LYST: variants seen among roughly 807,000 people sequenced by gnomAD.
The protein encoded by LYST is lysosomal-trafficking regulator.
LYST carries 192 observed loss-of-function variants against 413.6 expected under a neutral mutation model. The ratio of observed to expected loss-of-function variants is 0.46; its 90% CI spans 0.41 to 0.52. The LOEUF is 0.52. Ranked by LOEUF, LYST falls within the 20% of genes least tolerant of loss-of-function variation. LYST has a pLI of 0.00. For missense variants in LYST, 3,815 were observed against 4,499.9 expected, an observed-to-expected ratio of 0.85 and a Z score of 4.35; for synonymous variants, 1,525 against 1,567.3, an observed-to-expected ratio of 0.97 and a Z score of 0.64.
At chr1:235,684,252 C>T (rs1660045547) in intron 48 of LYST, among the ~76,000 whole-genome samples, 1 of 152,010 alleles carries the variant, frequency 6.6e-6, no homozygotes, top group Admixed American at 6.6e-5. Flanking sequence ...TAAACCTGTA[C>T]TGCACACTGT....
chr1:235,788,975 G>T, intron 12 of LYST, 130 bp from the exon 13 acceptor site: 1 of 814,712 alleles, frequency 1.2e-6, no homozygotes, highest in Non-Finnish European at 2.1e-6. Context: ...GTCTGAGCCT[G>T]ACCTGTTCTA....
chr1:235,851,371 G>T (rs1678515042), intron 1 of LYST, among the ~76,000 whole-genome samples: 1 of 150,854 alleles, frequency 6.6e-6, no homozygotes, highest in African/African-American at 2.4e-5. Flanking sequence ...CAAAGGCATA[G>T]AATGATACAA....
At chr1:235,734,212 T>A (rs1424568199) in intron 32 of LYST, among the ~76,000 whole-genome samples, 1 of 152,118 alleles carries the variant, frequency 6.6e-6, no homozygotes, top group Non-Finnish European at 1.5e-5. Flanking sequence ...TAACTCAAGG[T>A]ATGCTTCAGC....
chr1:235,670,518 TC>T (rs1658850988), intron 50 of LYST, among the ~76,000 whole-genome samples: 1 of 152,154 alleles, frequency 6.6e-6, no homozygotes, highest in South Asian at 2.1e-4. Flanking sequence ...AGGAGACGTG[TC>T]TCACTGCAGC....
At position 235,661,715 on chromosome 1, in the gene LYST, T is replaced by A. The variant is rs1001644366; in HGVS notation, c.*1225A>T. The stretch of plus-strand genomic sequence containing the variant: ...TGCACAAGTTATTCTTAGGCAGGGA[T>A]ACATATTTTTATCCCATGGTAACAT... On this transcript the variant is annotated 3_prime_UTR_variant, in exon 53 of 53. Coordinates refer to ENST00000389793, the MANE Select transcript of LYST (RefSeq NM_000081.4). 1 of 152,670 alleles carries A rather than the reference T, an allele frequency of 6.6e-6. No individual in the cohort carries two copies. The highest frequency in any genetic ancestry group is 1.5e-5 in the Non-Finnish European group (1 of 68,030). The allele number at this position is 152,670 out of a possible 1,614,324, so 9.5% of individuals were successfully genotyped here. A position where few individuals can be genotyped will look rare whatever the true frequency, so the allele number is the denominator to read the frequency against.
chr1:235,879,793 G>T (rs1409597885), intron 1 of LYST, among the ~76,000 whole-genome samples: 1 of 151,132 alleles, frequency 6.6e-6, no homozygotes, highest in East Asian at 1.9e-4. Context: ...CTGGAGTGCA[G>T]TGGCACAATT....
chr1:235,738,906 G>A (rs189624911), intron 31 of LYST: 6 of 735,836 alleles, frequency 8.2e-6, no homozygotes, highest in Non-Finnish European at 1.5e-5. Context: ...CCGTGTGAAG[G>A]TGACTCTGAC....
chr1:235,662,891 A>C lies in LYST; in HGVS notation c.*49T>G, dbSNP rs972231494. 8.6e-6 allele frequency: 9 copies of C among 1,046,248 alleles called. No individual in the cohort carries two copies. Among genetic ancestry groups the C allele is most frequent in the Non-Finnish European group, 1.4e-5 (9 of 661,150 alleles). 64.8% of individuals were successfully genotyped at this position (1,046,248 alleles called of 1,614,324 possible). A position where few individuals can be genotyped will look rare whatever the true frequency, so the allele number is the denominator to read the frequency against. On this transcript the variant is annotated 3_prime_UTR_variant, in exon 53 of 53. Coordinates refer to ENST00000389793, the MANE Select transcript of LYST (RefSeq NM_000081.4). ...CTCCTAAAACTGGTGAAGTCAACAA[A>C]TCTAGTTTGGAGTTAAAGTGCTTTG...
At chr1:235,764,386 T>C (rs1253397492) in intron 21 of LYST, among the ~76,000 whole-genome samples, 1 of 152,134 alleles carries the variant, frequency 6.6e-6, no homozygotes, top group East Asian at 1.9e-4. Context: ...CCACAGTCCT[T>C]TTTCCATGAA....
intron 12 of LYST, among the ~76,000 whole-genome samples, chr1:235,790,540 G>C (rs1488390273): frequency 6.6e-6 from 1 of 152,184 alleles, no homozygotes; most frequent in African/African-American, 2.4e-5. Flanking sequence ...GAAAATTCTA[G>C]TGAAGGCATA....
At chr1:235,804,243 G>A (rs946693083) in intron 7 of LYST, among the ~76,000 whole-genome samples, 6 of 152,098 alleles carry the variant, frequency 3.9e-5, no homozygotes, top group African/African-American at 9.7e-5. Flanking sequence ...GTCTTAACTC[G>A]AAGTAATTCT....
intron 45 of LYST, among the ~76,000 whole-genome samples, chr1:235,702,050 T>TCC (rs1661591570): frequency 1.3e-5 from 2 of 152,190 alleles, no homozygotes; most frequent in African/African-American, 4.8e-5. Flanking sequence ...TAAGGTCCTT[T>TCC]ACAACGTCTT....
intron 48 of LYST, among the ~76,000 whole-genome samples, chr1:235,680,701 T>G (rs968357047): frequency 1.5e-4 from 23 of 151,856 alleles, no homozygotes; most frequent in African/African-American, 5.6e-4. Flanking sequence ...TGGGTTCAAG[T>G]GATTCTCCTG....
rs959380839 is a variant in LYST, at chr1:235,772,626, T to C, written c.5784+1216A>G. On this transcript the variant is annotated intron_variant, in intron 19 of 52. Coordinates refer to ENST00000389793, the MANE Select transcript of LYST (RefSeq NM_000081.4). ...GGTGCTGAGATGTAGTGCCTACATC[T>C]AAGATCAATCTATGTTGCTTAATTT... Among the ~76,000 whole-genome samples, 6 of 152,308 alleles carry C rather than the reference T, an allele frequency of 3.9e-5. No homozygotes were observed. In the East Asian group the frequency reaches 7.7e-4, roughly 20 times the overall value.
chr1:235,857,968 T>C (rs1296562192), intron 1 of LYST, among the ~76,000 whole-genome samples: 1 of 152,154 alleles, frequency 6.6e-6, no homozygotes, highest in Admixed American at 6.5e-5. Flanking sequence ...TATAGCTATA[T>C]TTATAGTTGT....
chr1:235,710,768 A>T (rs1315165841), intron 43 of LYST, among the ~76,000 whole-genome samples: 1 of 152,222 alleles, frequency 6.6e-6, no homozygotes, highest in African/African-American at 2.4e-5. Flanking sequence ...GCTGCTAAGA[A>T]CAGGCTGGAA....
At position 235,791,807 on chromosome 1, in the gene LYST, A is replaced by G. The variant is rs1164706476; in HGVS notation, c.4435T>C (p.Phe1479Leu). 3.1e-6 allele frequency: 5 copies of G among 1,614,102 alleles called. No homozygotes were observed. Among genetic ancestry groups the G allele is most frequent in the Non-Finnish European group, 4.2e-6 (5 of 1,179,970 alleles). ...GCTTCATGGATACACTCCACATTAA[A>G]CCACAGGGAAACACTGAAACCTTCT... Reference protein sequence around the residue: ...LSEGFSVSLWFNVECIHEAES... With the variant: ...LSEGFSVSLWLNVECIHEAES... Residue 1479 changes from phenylalanine to leucine, a missense_variant, in exon 12 of 53, where the codon TTT becomes CTT. Phe to Leu is a conservative substitution (Grantham distance 22). Coordinates refer to ENST00000389793, the MANE Select transcript of LYST (RefSeq NM_000081.4).
At chr1:235,707,207 C>A (rs143779703) in intron 44 of LYST, among the ~76,000 whole-genome samples, 162 of 152,316 alleles carry the variant, frequency 1.1e-3, no homozygotes, top group African/African-American at 3.8e-3. Context: ...TTCCTCCTAA[C>A]CCCCTTCACC....
rs1664323119 is a variant in LYST, at chr1:235,730,902, T to C, written c.8989A>G (p.Thr2997Ala). ...ACAGTAGAAGAGAAAGAAGAATGAG[T>C]TTTGTCTTCAAACAGGTAAGAGAGT... ...PPLSYLFEDK[T>A]HSSFSSTVKD... is the part of the protein sequence containing the mutation. The change falls in exon 36 of 53, where the codon ACT becomes GCT. Residue 2997 changes from threonine to alanine, a missense_variant. Around this residue, in one of 4 missense-constraint regions of LYST, gnomAD observed 866 missense variants for 1,156.0 expected, o/e 0.75. Transcript: ENST00000389793. 1.2e-6 allele frequency: 2 copies of C among 1,613,748 alleles called. No individual in the cohort carries two copies. Among genetic ancestry groups the C allele is most frequent in the East Asian group, 2.2e-5 (1 of 44,840 alleles).
Sources: gnomAD v4.1 joint callset for allele counts (sites outside exome capture counted in the v4.1 genomes callset) on GRCh38, gnomAD v4.1.1 for gene constraint, gnomAD v4.1.1 regional missense constraint, MANE v1.5 for transcripts, NCBI Gene and HGNC (gene_info 2026-07-23, HGNC 2026-07-21) for gene names.